The following CADM4 variants were observed in gnomAD, a reference collection of about 807,000 sequenced individuals.
CADM4 encodes the protein TSLC1-like 2.
Under a neutral mutation model 43.9 loss-of-function variants are expected in CADM4, and 13 were observed. The ratio of observed to expected loss-of-function variants is 0.30; its 90% confidence interval spans 0.19 to 0.47. The LOEUF is 0.47. Ranked by LOEUF, CADM4 falls within the 20% of genes least tolerant of loss-of-function variation. The pLI, the probability that CADM4 is intolerant of heterozygous loss-of-function variation, is 1.00. For missense variants in CADM4, 420 were observed against 527.0 expected, an observed-to-expected ratio of 0.80 and a Z score of 1.99; for synonymous variants, 209 against 220.9, an observed-to-expected ratio of 0.95 and a Z score of 0.48.
At position 43,627,812 on chromosome 19, in the gene CADM4, CAGGAT is replaced by C; in HGVS notation, c.65-27_65-23del. 1 of 1,595,410 alleles carries C rather than the reference CAGGAT, an allele frequency of 6.3e-7. No homozygotes were observed. Among genetic ancestry groups the C allele is most frequent in the Non-Finnish European group, 8.6e-7 (1 of 1,166,386 alleles). ...GCCCCTGGACGATTAGACAAAGAGA[CAGGAT>C]AGAAGACTTACTGAGAGCTGCAATT... On this transcript the variant is annotated intron_variant, in intron 1 of 8. Transcript: ENST00000222374. The surrounding 1 kb of genome is among the most constrained non-coding windows in gnomAD (Gnocchi z 4.0).
In CADM4 at chr19:43,625,339, A is replaced by C; in HGVS notation, c.756-89T>G. On this transcript the variant is annotated intron_variant, in intron 6 of 8. Transcript: ENST00000222374. This position sits in a 1 kb window ranked among gnomAD's most constrained non-coding sequence, Gnocchi z 4.5. ...TCAAGAATCTAGACATGCAACTCTCATCCCGCAGGGACCTCCAAATAAGAG... is the reference window on the plus strand; with the variant it reads ...TCAAGAATCTAGACATGCAACTCTCCTCCCGCAGGGACCTCCAAATAAGAG... The C allele has an allele frequency of 4.5e-6, 6 of 1,338,882 alleles. No homozygotes were observed. The highest frequency in any genetic ancestry group is 6.1e-6 in the Non-Finnish European group (6 of 982,084). 82.9% of individuals were successfully genotyped at this position (1,338,882 alleles called of 1,614,324 possible).
chr19:43,638,830 C>G (rs1973734636), intron 1 of CADM4, among the ~76,000 whole-genome samples: 1 of 152,248 alleles, frequency 6.6e-6, no homozygotes. Context: ...AGATGTTCCC[C>G]TCCAGGGCTC....
intron 1 of CADM4, among the ~76,000 whole-genome samples, chr19:43,638,716 G>C (rs1360676462): frequency 6.6e-6 from 1 of 152,206 alleles, no homozygotes; most frequent in Non-Finnish European, 1.5e-5. Flanking sequence ...GTCAAGCCTG[G>C]GTGTGTGAAT....
chr19:43,627,722 G>C lies in CADM4; in HGVS notation c.133C>G (p.Arg45Gly). 2.5e-6 allele frequency: 4 copies of C among 1,614,074 alleles called. No homozygotes were observed. The highest frequency in any genetic ancestry group is 3.4e-6 in the Non-Finnish European group (4 of 1,179,970). ...ATGGACCCATCATACTGGTGCAGACGGCAGGTGATCTCAGCCACCCCACCC... is the reference window on the plus strand; with the variant it reads ...ATGGACCCATCATACTGGTGCAGACCGCAGGTGATCTCAGCCACCCCACCC... ...AEGGVAEITC[R>G]LHQYDGSIVV... Residue 45 changes from arginine (R) to glycine (G), a missense_variant, in exon 2 of 9, where the codon CGT (arginine) becomes GGT (glycine). Transcript: ENST00000222374. The surrounding 1 kb of genome is among the most constrained non-coding windows in gnomAD (Gnocchi z 4.0).
chr19:43,627,188 C>A lies in CADM4; in HGVS notation c.342G>T (p.Gln114His). The part of the protein sequence containing the change: ...CQLYTEDTHH[Q>H]IATLTVLVAP... ...TACCTAGTACCGTGAGCGTGGCAAT[C>A]TGGTGGTGGGTGTCTTCTGTGTAGA... The change falls in exon 3 of 9, where the codon CAG (glutamine) becomes CAT (histidine). Residue 114 changes from glutamine to histidine, a missense_variant. Transcript: ENST00000222374. The surrounding 1 kb of genome is among the most constrained non-coding windows in gnomAD (Gnocchi z 4.0). 1 of 1,603,078 alleles carries A rather than the reference C, an allele frequency of 6.2e-7. No individual in the cohort carries two copies. Among genetic ancestry groups the A allele is most frequent in the East Asian group, 2.2e-5 (1 of 44,600 alleles).
Position 43,623,529 on chromosome 19 carries a change from A to G in CADM4, c.1058-90T>C. 1.2e-6 allele frequency: 1 copy of G among 823,762 alleles called. No individual in the cohort carries two copies. The highest frequency in any genetic ancestry group is 1.3e-5 in the South Asian group (1 of 75,346). 51.0% of individuals were successfully genotyped at this position (823,762 alleles called of 1,614,324 possible). On this transcript the variant is annotated intron_variant, in intron 8 of 8. Coordinates refer to ENST00000222374, the MANE Select transcript of CADM4 (RefSeq NM_145296.2). The surrounding 1 kb of genome is among the most constrained non-coding windows in gnomAD (Gnocchi z 4.4). ...GTATAAGGGAAGAGGGAGACAGACA[A>G]GACACATGCCAGGCGAAGGAAGAGG...
intron 1 of CADM4, among the ~76,000 whole-genome samples, chr19:43,629,485 C>T (rs577409415): frequency 5.3e-5 from 8 of 152,280 alleles, no homozygotes; most frequent in African/African-American, 1.9e-4. Context: ...CATCTGTTGT[C>T]TTCAAAATAA....
chr19:43,633,764 T>G (rs1973662595), intron 1 of CADM4, among the ~76,000 whole-genome samples: 1 of 151,982 alleles, frequency 6.6e-6, no homozygotes. Context: ...CACTGCAACC[T>G]TGAACATGTG....
chr19:43,623,203 G>A lies in CADM4; in HGVS notation c.*127C>T, dbSNP rs1600093230. The A allele has an allele frequency of 1.4e-6, 1 of 721,176 alleles. No individual in the cohort carries two copies. Among genetic ancestry groups the A allele is most frequent in the African/African-American group, 1.7e-5 (1 of 57,552 alleles). The allele number at this position is 721,176 out of a possible 1,614,324, so 44.7% of individuals were successfully genotyped here. A position where few individuals can be genotyped will look rare whatever the true frequency, so the allele number is the denominator to read the frequency against. On this transcript the variant is annotated 3_prime_UTR_variant, in exon 9 of 9. Transcript: ENST00000222374. The surrounding 1 kb of genome is among the most constrained non-coding windows in gnomAD (Gnocchi z 4.4). ...CCCCCATCCCTGCCCAAGCGTCTGAGGTGTTAGTGGTGGGGGGAGAAGCCC... is the reference window on the plus strand; with the variant it reads ...CCCCCATCCCTGCCCAAGCGTCTGAAGTGTTAGTGGTGGGGGGAGAAGCCC...
chr19:43,625,038 G>GGCC lies in CADM4; in HGVS notation c.928+39_928+40insGGC. The GGCC allele has an allele frequency of 2.4e-6, 3 of 1,269,622 alleles. No homozygotes were observed. Among genetic ancestry groups the GGCC allele is most frequent in the Non-Finnish European group, 2.0e-6 (2 of 980,090 alleles). The allele number at this position is 1,269,622 out of a possible 1,614,324, so 78.6% of individuals were successfully genotyped here. A position where few individuals can be genotyped will look rare whatever the true frequency, so the allele number is the denominator to read the frequency against. On this transcript the variant is annotated intron_variant, in intron 7 of 8. Coordinates refer to ENST00000222374, the MANE Select transcript of CADM4 (RefSeq NM_145296.2). The surrounding 1 kb of genome is among the most constrained non-coding windows in gnomAD (Gnocchi z 4.5). ...TCAAGCCCCGCCCCCGCCACCTGGC[G>GGCC]CCCCGCCCCCGCCCTCAGTCGGCCG...
chr19:43,633,090 A>AAG (rs1973651020), intron 1 of CADM4, among the ~76,000 whole-genome samples: 2 of 150,860 alleles, frequency 1.3e-5, no homozygotes, highest in African/African-American at 4.9e-5. Flanking sequence ...AAAAAAAAAA[A>AAG]AGAGACAGGG....
chr19:43,631,062 G>A (rs1238334736), intron 1 of CADM4, among the ~76,000 whole-genome samples: 1 of 152,144 alleles, frequency 6.6e-6, no homozygotes, highest in Non-Finnish European at 1.5e-5. Context: ...GTGTTATGTG[G>A]CTGGGCACGG....
chr19:43,633,123 G>C (rs1282410160), intron 1 of CADM4, among the ~76,000 whole-genome samples: 1 of 150,846 alleles, frequency 6.6e-6, no homozygotes, highest in South Asian at 2.1e-4. Context: ...ACCCAGGCTG[G>C]AGTGCAGTGG....
chr19:43,638,045 G>A (rs150704980), intron 1 of CADM4, among the ~76,000 whole-genome samples: 1 of 152,254 alleles, frequency 6.6e-6, no homozygotes, highest in African/African-American at 2.4e-5. Flanking sequence ...TGTCACTGAG[G>A]TACCAAAGTT....
Position 43,634,695 on chromosome 19 carries a change from A to G in CADM4, c.64+5032T>C, listed in dbSNP as rs558669636. Among the ~76,000 whole-genome samples, 4 of 152,100 alleles carry G rather than the reference A, an allele frequency of 2.6e-5. No individual in the cohort carries two copies. In the East Asian group the frequency reaches 7.7e-4, roughly 29 times the overall value. On this transcript the variant is annotated intron_variant, in intron 1 of 8. Transcript: ENST00000222374. ...CCTTTAAACTGTGTTGACAGCCAGGAGTCGTCATGGGGATGGTGCTTGGAA... is the reference window on the plus strand; with the variant it reads ...CCTTTAAACTGTGTTGACAGCCAGGGGTCGTCATGGGGATGGTGCTTGGAA...
Position 43,629,524 on chromosome 19 carries a change from G to C in CADM4, c.65-1734C>G, listed in dbSNP as rs186586472. On this transcript the variant is annotated intron_variant, in intron 1 of 8. Transcript: ENST00000222374. ...TAACCCCCATAGCTACCAATTATTA[G>C]GTACTTGCAGTGTTAGTCCCTGTGC... is the stretch of plus-strand genomic sequence containing the variant. Among the ~76,000 whole-genome samples the C allele has an allele frequency of 7.6e-3, 1,157 of 152,194 alleles. 10 individuals are homozygous for C. Among genetic ancestry groups the C allele is most frequent in the African/African-American group, 0.025 (1,036 of 41,516 alleles).
In CADM4 at chr19:43,627,786, T is replaced by C; in HGVS notation, c.69A>G (p.Ala23=). 2 of 1,608,928 alleles carry C rather than the reference T, an allele frequency of 1.2e-6. No homozygotes were observed. Among genetic ancestry groups the C allele is most frequent in the Non-Finnish European group, 1.7e-6 (2 of 1,175,962 alleles). The change falls in exon 2 of 9, where the codon GCA becomes GCG. Residue 23 remains alanine (A), a synonymous_variant. Transcript: ENST00000222374. This position sits in a 1 kb window ranked among gnomAD's most constrained non-coding sequence, Gnocchi z 4.0. ...CGTTCTCTGTCTGTACTTCCTGTCCTGCCCCTGGACGATTAGACAAAGAGA... is the reference window on the plus strand; with the variant it reads ...CGTTCTCTGTCTGTACTTCCTGTCCCGCCCCTGGACGATTAGACAAAGAGA... ...LLWAAAAGPG[A]GQEVQTENVT... is the part of the protein sequence containing the mutation.
chr19:43,628,560 G>A (rs1392351739), intron 1 of CADM4, among the ~76,000 whole-genome samples: 1 of 152,188 alleles, frequency 6.6e-6, no homozygotes, highest in Non-Finnish European at 1.5e-5. Context: ...AAAGATAGCC[G>A]TAATATTCTC....
rs777607400 is a variant in CADM4, at chr19:43,625,070, G to A, written c.928+8C>T. ...CCCCGCCCTCAGTCGGCCGCAGCCT[G>A]CTCTCACCGTAGACCACAAGTACGT... On this transcript the variant is annotated splice_region_variant and intron_variant, in intron 7 of 8. Coordinates refer to ENST00000222374, the MANE Select transcript of CADM4 (RefSeq NM_145296.2). The surrounding 1 kb of genome is among the most constrained non-coding windows in gnomAD (Gnocchi z 4.5). 1.3e-6 allele frequency: 2 copies of A among 1,563,546 alleles called. No individual in the cohort carries two copies. Among genetic ancestry groups the A allele is most frequent in the Non-Finnish European group, 1.7e-6 (2 of 1,153,216 alleles).
Sources: allele counts gnomAD v4.1 joint callset (sites outside exome capture counted in the v4.1 genomes callset), GRCh38; gene constraint gnomAD v4.1.1; non-coding constraint Gnocchi (gnomAD v3.1); transcripts MANE v1.5; gene names NCBI Gene and HGNC (gene_info 2026-07-23, HGNC 2026-07-21).